PCID2: variants seen among roughly 807,000 people sequenced by gnomAD.
PCID2 encodes PCI domain-containing protein 2.
PCID2 carries 41 observed loss-of-function variants against 61.3 expected under a neutral mutation model. The observed-to-expected ratio is 0.67, with a 90% CI of 0.52 to 0.87. PCID2 has a LOEUF of 0.87. Ranked by LOEUF, PCID2 falls within the 40% of genes least tolerant of loss-of-function variation. PCID2 has a pLI of 0.00. For missense variants in PCID2, 392 were observed against 493.4 expected (o/e 0.79, Z 1.95); for synonymous variants, 187 against 177.8 (o/e 1.05, Z -0.41).
At position 113,190,858 on chromosome 13, in the gene PCID2, A is replaced by G. The variant is rs200413411; in HGVS notation, c.467+14T>C. The G allele has an allele frequency of 2.5e-6, 4 of 1,568,716 alleles. No homozygotes were observed. The highest frequency in any genetic ancestry group is 2.7e-5 in the African/African-American group (2 of 73,780). On this transcript the variant is annotated intron_variant, in intron 7 of 13. Coordinates refer to ENST00000337344, the MANE Select transcript of PCID2 (RefSeq NM_001127202.4). ...CAACAGCGTCTGGTGGTCGGTCCTC[A>G]AGTCCTTACTCACGTGTCGCTGGCA...
At chr13:113,183,443 G>A (rs1366902449) in intron 9 of PCID2, among the ~76,000 whole-genome samples, 1 of 151,742 alleles carries the variant, frequency 6.6e-6, no homozygotes, top group African/African-American at 2.4e-5. Flanking sequence ...GAAAAAAAAA[G>A]AGACAGATAA....
At chr13:113,172,280 C>A in the PCID2 span, 2 of 791,738 alleles carry the variant, frequency 2.5e-6, no homozygotes, top group Non-Finnish European at 4.1e-6. Context: ...GTTTACCGAG[C>A]ACTGTGACCT....
At chr13:113,201,415 C>A (rs1453674288) in intron 1 of PCID2, among the ~76,000 whole-genome samples, 1 of 152,172 alleles carries the variant, frequency 6.6e-6, no homozygotes, top group African/African-American at 2.4e-5. Context: ...CTGCGCAGAA[C>A]GTCGGGTGGA....
chr13:113,197,066 C>T, intron 4 of PCID2, 112 bp downstream of exon 4: 1 of 1,614,250 alleles, frequency 6.2e-7, no homozygotes, highest in Non-Finnish European at 8.5e-7. Context: ...CACTGTCATT[C>T]CTTTCTAACT....
intron 6 of PCID2, among the ~76,000 whole-genome samples, chr13:113,194,036 A>G (rs527367134): frequency 2.0e-4 from 30 of 152,288 alleles, no homozygotes; most frequent in Non-Finnish European, 3.4e-4. Context: ...TCACCATGCA[A>G]GCAGAGAAAC....
chr13:113,165,702 T>C, the PCID2 span, among the ~76,000 whole-genome samples: 329 of 152,316 alleles, frequency 2.2e-3, 5 homozygotes, highest in East Asian at 0.047. Flanking sequence ...GGCTGATTTT[T>C]ATATTTTTAG....
At chr13:113,196,370 G>T in intron 4 of PCID2, 148 bp from the exon 5 acceptor site, 2 of 569,868 alleles carry the variant, frequency 3.5e-6, no homozygotes, top group Non-Finnish European at 6.2e-6. Flanking sequence ...AAGGAAAAAA[G>T]GTATAAGCTC....
At chr13:113,208,513 AG>A in intron 1 of PCID2, 85 bp downstream of exon 1, 1 of 1,556,816 alleles carries the variant, frequency 6.4e-7, no homozygotes, top group Non-Finnish European at 8.7e-7. Flanking sequence ...GGAAAGGAAA[AG>A]GCCTGAGGGT....
intron 6 of PCID2, among the ~76,000 whole-genome samples, chr13:113,194,272 C>T (rs1381687761): frequency 6.6e-6 from 1 of 152,192 alleles, no homozygotes; most frequent in Non-Finnish European, 1.5e-5. Flanking sequence ...TTCTGTCTTG[C>T]TGGATTGGAC....
chr13:113,199,549 A>T (rs955858902), intron 2 of PCID2, among the ~76,000 whole-genome samples: 2 of 152,198 alleles, frequency 1.3e-5, no homozygotes, highest in African/African-American at 4.8e-5. Context: ...CCACCGAAAG[A>T]AAGTTTACTG....
Position 113,208,656 on chromosome 13 carries a change from G to C in PCID2, c.-22C>G. 1.9e-6 allele frequency: 3 copies of C among 1,603,396 alleles called. No homozygotes were observed. The highest frequency in any genetic ancestry group is 2.7e-5 in the African/African-American group (2 of 74,560). ...CCATGGGAGCGCCGCCGAACGGAGA[G>C]CGCCACCCCCTACGCCTCAAGCGGG... On this transcript the variant is annotated 5_prime_UTR_variant, in exon 1 of 14. Coordinates refer to ENST00000337344, the MANE Select transcript of PCID2 (RefSeq NM_001127202.4).
At chr13:113,196,753 G>C (rs2039046244) in intron 4 of PCID2, among the ~76,000 whole-genome samples, 1 of 152,232 alleles carries the variant, frequency 6.6e-6, no homozygotes, top group African/African-American at 2.4e-5. Flanking sequence ...AATGACTGAA[G>C]TATGAATTGG....
At chr13:113,193,841 A>T (rs1365470149) in intron 6 of PCID2, among the ~76,000 whole-genome samples, 1 of 152,194 alleles carries the variant, frequency 6.6e-6, no homozygotes, top group Non-Finnish European at 1.5e-5. Flanking sequence ...GGGCTGTTTA[A>T]AACTCTTGTC....
intron 6 of PCID2, 73 bp from the exon 7 acceptor site, chr13:113,191,048 A>T: frequency 1.9e-6 from 2 of 1,042,452 alleles, no homozygotes; most frequent in Non-Finnish European, 2.9e-6. Flanking sequence ...GCTGGACTGC[A>T]GTGGCACAAT....
rs34103745 is a variant in PCID2, at chr13:113,201,815, CAAAAAAAAAA to C, written c.37-1309_37-1300del. 4.1e-3 allele frequency among the ~76,000 whole-genome samples: 243 copies of C among 59,394 alleles called. 2 individuals carry two copies. The highest frequency in any genetic ancestry group is 5.1e-3 in the Non-Finnish European group (151 of 29,708). The allele number at this position is 59,394 out of a possible 152,430, so 39.0% of individuals were successfully genotyped here. A position where few individuals can be genotyped will look rare whatever the true frequency, so the allele number is the denominator to read the frequency against. On this transcript the variant is annotated intron_variant, in intron 1 of 13. Transcript: ENST00000337344. ...TGGGCGACAGAGCAAGACTCCGTCT[CAAAAAAAAAA>C]AAAAAAAAAGGACATAAAAATTCTA...
chr13:113,184,395 G>A lies in PCID2; in HGVS notation c.636C>T (p.Tyr212=), dbSNP rs2037912133. ...DDYSTAQRVT[Y]KYYVGRKAMF... is the part of the protein sequence containing the mutation. ...TAGCCTTGCGTCCAACGTAGTATTT[G>A]TATGTTACTCTCTGTGCAGTGCTGT... The change falls in exon 9 of 14, where the codon TAC becomes TAT. Residue 212 remains tyrosine (Y), a synonymous_variant. Transcript: ENST00000337344. 1.2e-6 allele frequency: 2 copies of A among 1,612,088 alleles called. No individual in the cohort carries two copies. Among genetic ancestry groups the A allele is most frequent in the African/African-American group, 2.7e-5 (2 of 74,892 alleles).
intron 1 of PCID2, among the ~76,000 whole-genome samples, chr13:113,204,111 T>C (rs2039626692): frequency 6.6e-6 from 1 of 152,216 alleles, no homozygotes; most frequent in East Asian, 1.9e-4. Flanking sequence ...CAGCCACCCC[T>C]GCTTATGGTT....
chr13:113,182,992 T>C (rs2037784654), intron 9 of PCID2, among the ~76,000 whole-genome samples: 1 of 152,120 alleles, frequency 6.6e-6, no homozygotes, highest in Admixed American at 6.5e-5. Context: ...ATAAATAATA[T>C]AAAATCACAG....
chr13:113,168,475 C>T, the PCID2 span, among the ~76,000 whole-genome samples: 1 of 152,270 alleles, frequency 6.6e-6, no homozygotes, highest in South Asian at 2.1e-4. Flanking sequence ...CTTGGGCCTG[C>T]CCCACTGCCT....
Sources: allele counts gnomAD v4.1 joint callset (sites outside exome capture counted in the v4.1 genomes callset), GRCh38; gene constraint gnomAD v4.1.1; transcripts MANE v1.5; gene names NCBI Gene and HGNC (gene_info 2026-07-23, HGNC 2026-07-21).